Variants in MIER2 observed in about 807,000 individuals in gnomAD.
MIER2 encodes the protein MIER family member 2.
Under a neutral mutation model 67.6 loss-of-function variants are expected in MIER2, and 30 were observed. That is an observed-to-expected ratio of 0.44 (90% CI 0.33 to 0.60). MIER2 has a LOEUF of 0.60. Among genes scored for constraint, MIER2 ranks in the 20% least tolerant of loss-of-function variants. The probability of loss-of-function intolerance (pLI) is 0.02; values close to 1 mark genes in which losing one functional copy is unlikely to be tolerated. For missense variants in MIER2, 702 were observed against 745.1 expected (o/e 0.94, Z 0.67); for synonymous variants, 372 against 312.6 (o/e 1.19, Z -2.00).
intron 1 of MIER2, chr19:344,568 G>C (rs1042967867): frequency 1.6e-5 from 3 of 181,940 alleles, no homozygotes; most frequent in Non-Finnish European, 2.1e-5. Context: ...GCAGCCGGGG[G>C]AGTTGGGGGG....
chr19:306,542 T>G lies in MIER2; in HGVS notation c.*148A>C. ...GGCAAGGGCTCACGGCCCAGCCACC[T>G]CACCCCAGTCCTGACGTGTTCTGAA... On this transcript the variant is annotated 3_prime_UTR_variant, in exon 14 of 14. Transcript: ENST00000264819. 1 of 1,091,648 alleles carries G rather than the reference T, an allele frequency of 9.2e-7. No individual in the cohort carries two copies. Among genetic ancestry groups the G allele is most frequent in the South Asian group, 1.5e-5 (1 of 66,556 alleles). The allele number at this position is 1,091,648 out of a possible 1,614,324, so 67.6% of individuals were successfully genotyped here.
At position 327,940 on chromosome 19, in the gene MIER2, G is replaced by T; in HGVS notation, c.293C>A (p.Ala98Glu). The T allele has an allele frequency of 6.2e-7, 1 of 1,612,924 alleles. No homozygotes were observed. The highest frequency in any genetic ancestry group is 1.1e-5 in the South Asian group (1 of 91,028). Residue 98 changes from alanine to glutamate, a missense_variant, in exon 4 of 14, where the codon GCG becomes GAG. Physicochemically the swap from Ala to Glu is moderately radical, Grantham distance 107 (BLOSUM62 -1). Transcript: ENST00000264819. ...DELLALYGYE[A>E]SDPISDRESE... ...CTCCCGGTCTGAAATGGGGTCTGAC[G>T]CCTCGTAGCCATAGAGCGCAAGCAG...
At chr19:310,520 T>TGAGCTATAGAAACACGGCCCG (rs1568216378) in intron 10 of MIER2, among the ~76,000 whole-genome samples, 3 of 33,854 alleles carry the variant, frequency 8.9e-5, no homozygotes, top group East Asian at 1.3e-3. Context: ...AACGCGGCCC[T>TGAGCTATAGAAACACGGCCCG]GAGCTATAGA....
At chr19:344,636 G>C (rs1972663995) in intron 1 of MIER2, 138 bp downstream of exon 1, 2 of 481,086 alleles carry the variant, frequency 4.2e-6, no homozygotes, top group African/African-American at 4.3e-5. Context: ...GCCCCGGACG[G>C]GCCAGGCGCC....
In MIER2 at chr19:308,682, C is replaced by A. The variant is rs1470502491; in HGVS notation, c.1110-17G>T. 6.3e-7 allele frequency: 1 copy of A among 1,599,632 alleles called. No individual in the cohort carries two copies. Among genetic ancestry groups the A allele is most frequent in the South Asian group, 1.1e-5 (1 of 89,758 alleles). On this transcript the variant is annotated splice_polypyrimidine_tract_variant and intron_variant, in intron 11 of 13. Coordinates refer to ENST00000264819, the MANE Select transcript of MIER2 (RefSeq NM_017550.3). The surrounding 1 kb of genome is among the most constrained non-coding windows in gnomAD (Gnocchi z 9.1). ...TCTGCGTCCCTGTGGGGAGAGGGCG[C>A]CATGAGGGGCGGCAGACAGGACAGA...
chr19:310,603 G>GGGAGCTATAGAAACATAGCCCC (rs1568216575), intron 10 of MIER2, among the ~76,000 whole-genome samples: 116 of 98,076 alleles, frequency 1.2e-3, no homozygotes, highest in African/African-American at 2.7e-3. Context: ...AAACACAGCC[G>GGGAGCTATAGAAACATAGCCCC]GGAGCTATAG....
chr19:338,089 T>C (rs953117181), intron 1 of MIER2, among the ~76,000 whole-genome samples: 1 of 142,558 alleles, frequency 7.0e-6, no homozygotes, highest in Non-Finnish European at 1.5e-5. Context: ...GGAGGATCGC[T>C]TGAACCCAGG....
chr19:311,012 G>A (rs369089765), intron 10 of MIER2, among the ~76,000 whole-genome samples: 3 of 152,234 alleles, frequency 2.0e-5, no homozygotes, highest in Non-Finnish European at 4.4e-5. Context: ...GCACGGCACC[G>A]CACAGTCACC....
chr19:327,178 C>A lies in MIER2; in HGVS notation c.448G>T (p.Val150Leu). The A allele has an allele frequency of 6.3e-7, 1 of 1,596,308 alleles. No homozygotes were observed. Among genetic ancestry groups the A allele is most frequent in the Admixed American group, 1.8e-5 (1 of 54,354 alleles). The change falls in exon 5 of 14, where the codon GTG (valine) becomes TTG (leucine). Residue 150 changes from valine (V) to leucine (L), a missense_variant. Physicochemically the swap from Val to Leu is conservative, Grantham distance 32. This residue lies in a region of MIER2 where 320 missense variants were observed against 292.6 expected (regional missense o/e 1.09). Transcript: ENST00000264819. ...AGGTCGGAGGCCTCGTGGGAGGTCA[C>A]GGACGGGGTGAGGTCGTCAGCAGAT... ...QSSADDLTPSVTSHEASDLFP... is the reference protein window; with the variant it reads ...QSSADDLTPSLTSHEASDLFP...
At position 306,379 on chromosome 19, in the gene MIER2, C is replaced by T; in HGVS notation, c.*311G>A. 1 of 530,102 alleles carries T rather than the reference C, an allele frequency of 1.9e-6. No homozygotes were observed. The highest frequency in any genetic ancestry group is 2.4e-5 in the South Asian group (1 of 42,086). The allele number at this position is 530,102 out of a possible 1,614,324, so 32.8% of individuals were successfully genotyped here. A position where few individuals can be genotyped will look rare whatever the true frequency, so the allele number is the denominator to read the frequency against. On this transcript the variant is annotated 3_prime_UTR_variant, in exon 14 of 14. Coordinates refer to ENST00000264819, the MANE Select transcript of MIER2 (RefSeq NM_017550.3). ...AAGGGACTAGGTGGCCGGCTCTGCCCTGCGTCCCAACGGCGGGGTCTCTTC... is the reference window on the plus strand; with the variant it reads ...AAGGGACTAGGTGGCCGGCTCTGCCTTGCGTCCCAACGGCGGGGTCTCTTC...
At chr19:321,460 C>T (rs145468270) in intron 7 of MIER2, among the ~76,000 whole-genome samples, 9 of 152,098 alleles carry the variant, frequency 5.9e-5, no homozygotes, top group Non-Finnish European at 1.3e-4. Flanking sequence ...GCTTGGCCAA[C>T]ATGGTGAAAC....
chr19:312,092 G>T, intron 9 of MIER2, 99 bp downstream of exon 9: 2 of 1,280,942 alleles, frequency 1.6e-6, no homozygotes, highest in Non-Finnish European at 2.2e-6. Flanking sequence ...GCGGCGCCCA[G>T]GGCGGGGCCG....
intron 7 of MIER2, among the ~76,000 whole-genome samples, chr19:317,164 G>A (rs1001605540): frequency 8.5e-5 from 13 of 152,216 alleles, no homozygotes; most frequent in Non-Finnish European, 1.6e-4. Flanking sequence ...GGAGGCCGAC[G>A]TGGGCGGATC....
intron 1 of MIER2, chr19:343,664 G>T: frequency 3.9e-6 from 1 of 254,898 alleles, no homozygotes; most frequent in Non-Finnish European, 6.2e-6. Flanking sequence ...GCTGTGCCTG[G>T]CTGGGTGGGC....
At chr19:336,464 G>C (rs569179652) in intron 1 of MIER2, among the ~76,000 whole-genome samples, 4 of 152,354 alleles carry the variant, frequency 2.6e-5, no homozygotes, top group African/African-American at 9.6e-5. Context: ...CTACAGTCCT[G>C]ACCCATGCTG....
At chr19:344,120 C>A in intron 1 of MIER2, 1 of 985,468 alleles carries the variant, frequency 1.0e-6, no homozygotes, top group Non-Finnish European at 1.2e-6. Context: ...CCAGAAGTAA[C>A]TTCGTGCCCG....
intron 1 of MIER2, among the ~76,000 whole-genome samples, chr19:339,724 C>T (rs1027531449): frequency 1.1e-4 from 16 of 151,428 alleles, no homozygotes; most frequent in African/African-American, 7.3e-5. Context: ...CAAAAGGCCA[C>T]GTGTCGTATG....
chr19:344,634 C>G (rs1422705572), intron 1 of MIER2, 140 bp downstream of exon 1: 1 of 452,038 alleles, frequency 2.2e-6, no homozygotes, highest in Admixed American at 6.1e-5. Context: ...CGGCCCCGGA[C>G]GGGCCAGGCG....
chr19:312,310 C>G, intron 8 of MIER2, 38 bp from the exon 9 acceptor site: 2 of 1,594,436 alleles, frequency 1.3e-6, no homozygotes, highest in Non-Finnish European at 1.7e-6. Flanking sequence ...ATGGGCTCAG[C>G]GCAGGAGCCG....
Sources: allele counts gnomAD v4.1 joint callset (sites outside exome capture counted in the v4.1 genomes callset), GRCh38; gene constraint gnomAD v4.1.1; regional missense constraint gnomAD v4.1.1; non-coding constraint Gnocchi (gnomAD v3.1); transcripts MANE v1.5; gene names NCBI Gene and HGNC (gene_info 2026-07-23, HGNC 2026-07-21).